FLRT1: variants seen among roughly 807,000 people sequenced by gnomAD.
FLRT1 encodes the protein leucine-rich repeat transmembrane protein FLRT1.
Under a neutral mutation model 30.9 loss-of-function variants are expected in FLRT1, and 14 were observed. That is an observed-to-expected ratio of 0.45 (90% confidence interval 0.30 to 0.71). The LOEUF is 0.71. Among genes scored for constraint, FLRT1 ranks in the 30% least tolerant of loss-of-function variants. The pLI is 0.08. For synonymous variants in FLRT1, 368 were observed against 430.4 expected (o/e 0.85, Z 1.80); for missense variants, 737 against 949.2 (o/e 0.78, Z 2.94).
chr11:64,063,502 A>G (rs946972920), intron 1 of FLRT1, among the ~76,000 whole-genome samples: 13 of 152,164 alleles, frequency 8.5e-5, no homozygotes, highest in Admixed American at 4.6e-4. Flanking sequence ...GGGGAAAGGC[A>G]TCCTGGCAAA....
intron 1 of FLRT1, among the ~76,000 whole-genome samples, chr11:64,076,895 G>A (rs952989439): frequency 1.3e-5 from 2 of 152,206 alleles, no homozygotes; most frequent in Non-Finnish European, 2.9e-5. Context: ...CTTACTCATC[G>A]GCTTGGGGCT....
At position 64,116,325 on chromosome 11, in the gene FLRT1, G is replaced by C. The variant is rs1166546652; in HGVS notation, c.58G>C (p.Ala20Pro). ...CACCACGCCCACTGCCACTGTCACGGCCACCGTTGTGATGACCACGGCCAC... is the reference window on the plus strand; with the variant it reads ...CACCACGCCCACTGCCACTGTCACGCCCACCGTTGTGATGACCACGGCCAC... ...ATTTPTATVT[A>P]TVVMTTATMD... is the part of the protein sequence containing the mutation. The change falls in exon 3 of 3, where the codon GCC (alanine) becomes CCC (proline). Residue 20 changes from alanine (A) to proline (P), a missense_variant. Physicochemically the swap from Ala to Pro is conservative, Grantham distance 27 (BLOSUM62 -1). Coordinates refer to ENST00000682287, the MANE Select transcript of FLRT1 (RefSeq NM_013280.5). 4.3e-6 allele frequency: 7 copies of C among 1,609,792 alleles called. No individual in the cohort carries two copies. In the East Asian group the frequency reaches 1.6e-4, roughly 36 times the overall value.
intron 1 of FLRT1, among the ~76,000 whole-genome samples, chr11:64,091,913 C>T (rs1944497743): frequency 6.6e-6 from 1 of 152,186 alleles, no homozygotes; most frequent in Admixed American, 6.5e-5. Context: ...CTCTGTGTCC[C>T]GAGGCCTCTC....
chr11:64,116,704 C>T lies in FLRT1; in HGVS notation c.437C>T (p.Ser146Leu), dbSNP rs756250929. The T allele has an allele frequency of 5.5e-5, 88 of 1,613,696 alleles. No individual in the cohort carries two copies. The Admixed American group carries it at 9.0e-4, about 17-fold the overall frequency. ...DNNVRTIARDSLARIPLLEKL... is the reference protein window; with the variant it reads ...DNNVRTIARDLLARIPLLEKL... ...AATGTGCGCACCATTGCCAGGGACT[C>T]GCTGGCCCGCATCCCGCTGCTGGAG... The change falls in exon 3 of 3, where the codon TCG (serine) becomes TTG (leucine). Residue 146 changes from serine to leucine, a missense_variant. Physicochemically the swap from Ser to Leu is moderately radical, Grantham distance 145. Coordinates refer to ENST00000682287, the MANE Select transcript of FLRT1 (RefSeq NM_013280.5).
chr11:64,050,365 C>T (rs1943669657), intron 1 of FLRT1, among the ~76,000 whole-genome samples: 1 of 152,218 alleles, frequency 6.6e-6, no homozygotes, highest in Non-Finnish European at 1.5e-5. Flanking sequence ...GTGCAGGCCA[C>T]CTAGGGGCAG....
intron 1 of FLRT1, among the ~76,000 whole-genome samples, chr11:64,093,517 C>T (rs1298714757): frequency 6.6e-6 from 1 of 152,266 alleles, no homozygotes; most frequent in Non-Finnish European, 1.5e-5. Context: ...GCCTGGCCCA[C>T]CTTTGGGCAT....
At chr11:64,045,698 C>T (rs1322614883) in intron 1 of FLRT1, among the ~76,000 whole-genome samples, 1 of 152,176 alleles carries the variant, frequency 6.6e-6, no homozygotes, top group East Asian at 1.9e-4. Flanking sequence ...GCTGGCCAGC[C>T]ATGTGGTTGC....
intron 1 of FLRT1, among the ~76,000 whole-genome samples, chr11:64,073,853 C>T (rs919514041): frequency 1.3e-5 from 2 of 152,088 alleles, no homozygotes; most frequent in African/African-American, 4.8e-5. Flanking sequence ...CCTTGCAGGG[C>T]CAGAGATGCA....
Position 64,116,972 on chromosome 11 carries a change from C to T in FLRT1, c.705C>T (p.Ala235=), listed in dbSNP as rs759560338. Residue 235 remains alanine, a synonymous_variant, in exon 3 of 3, where the codon GCC becomes GCT. Coordinates refer to ENST00000682287, the MANE Select transcript of FLRT1 (RefSeq NM_013280.5). ...TGGTGCTGGACGGTAACCTGCTGGC[C>T]AACCAGCGCATCGCCGACGACACCT... ...RRLVLDGNLL[A]NQRIADDTFS... 29 of 1,611,938 alleles carry T rather than the reference C, an allele frequency of 1.8e-5. No homozygotes were observed. The East Asian group carries it at 6.5e-4, about 36-fold the overall frequency.
At chr11:64,065,064 C>A (rs972217752) in intron 1 of FLRT1, among the ~76,000 whole-genome samples, 1 of 152,166 alleles carries the variant, frequency 6.6e-6, no homozygotes, top group South Asian at 2.1e-4. Context: ...CCAGCAGGGC[C>A]CAGCACAGGC....
intron 1 of FLRT1, among the ~76,000 whole-genome samples, chr11:64,098,504 G>T (rs752056573): frequency 4.6e-5 from 7 of 152,232 alleles, no homozygotes; most frequent in Non-Finnish European, 1.0e-4. Flanking sequence ...GTGCCCTCGG[G>T]AGAGAGGGAA....
intron 1 of FLRT1, among the ~76,000 whole-genome samples, chr11:64,093,428 C>T (rs1156622247): frequency 6.6e-6 from 1 of 152,246 alleles, no homozygotes; most frequent in Non-Finnish European, 1.5e-5. Flanking sequence ...AGCCAGGCCT[C>T]CACCTGGCAT....
chr11:64,057,396 G>A (rs1943809451), intron 1 of FLRT1, among the ~76,000 whole-genome samples: 2 of 152,208 alleles, frequency 1.3e-5, no homozygotes, highest in African/African-American at 2.4e-5. Context: ...AAAACCTCAT[G>A]GGGAGTGACC....
intron 1 of FLRT1, among the ~76,000 whole-genome samples, chr11:64,060,957 G>C (rs1943890398): frequency 6.6e-6 from 1 of 151,678 alleles, no homozygotes. Context: ...GCGGCGGCGG[G>C]GCTCCCGGGC....
Position 64,067,721 on chromosome 11 carries a change from C to T in FLRT1, c.-1038+31562C>T, listed in dbSNP as rs913805501. Among the ~76,000 whole-genome samples, 19 of 152,288 alleles carry T rather than the reference C, an allele frequency of 1.2e-4. No homozygotes were observed. Among genetic ancestry groups the T allele is most frequent in the East Asian group, 3.9e-4 (2 of 5,172 alleles). On this transcript the variant is annotated intron_variant, in intron 1 of 2. Transcript: ENST00000682287. This position sits in a 1 kb window ranked among gnomAD's most constrained non-coding sequence, Gnocchi z 4.6. ...GCAGTGATTGCGGACACGCCCCTCG[C>T]GAGGCACCGCAGGCTGCCACCCCCA...
chr11:64,056,752 C>T (rs181728477), intron 1 of FLRT1, among the ~76,000 whole-genome samples: 2 of 152,256 alleles, frequency 1.3e-5, no homozygotes, highest in African/African-American at 4.8e-5. Flanking sequence ...CCTGGGGACC[C>T]CTTGGTGTGG....
At position 64,067,432 on chromosome 11, in the gene FLRT1, C is replaced by A. The variant is rs756943299; in HGVS notation, c.-1038+31273C>A. Among the ~76,000 whole-genome samples the A allele has an allele frequency of 1.1e-4, 17 of 152,186 alleles. No individual in the cohort carries two copies. Among genetic ancestry groups the A allele is most frequent in the Non-Finnish European group, 1.9e-4 (13 of 68,034 alleles). Reference sequence around the variant, plus strand: ...CCTTTCAGCTCACAAATCATGCCCCCGGCCCAGGTGACAGCCAGCACAGAC... The same window carrying A: ...CCTTTCAGCTCACAAATCATGCCCCAGGCCCAGGTGACAGCCAGCACAGAC... On this transcript the variant is annotated intron_variant, in intron 1 of 2. Transcript: ENST00000682287. This position sits in a 1 kb window ranked among gnomAD's most constrained non-coding sequence, Gnocchi z 4.6.
intron 1 of FLRT1, among the ~76,000 whole-genome samples, chr11:64,086,355 A>G (rs771438343): frequency 6.6e-6 from 1 of 151,922 alleles, no homozygotes; most frequent in Non-Finnish European, 1.5e-5. Context: ...TGTGAATCTT[A>G]CATATGCATA....
Position 64,103,567 on chromosome 11 carries a change from C to G in FLRT1, c.-664C>G, listed in dbSNP as rs1944707978. The stretch of plus-strand genomic sequence containing the variant: ...ACTCTCTGCACCCAGCCCATTCTGC[C>G]AAGTGACTTAAAGGAATTAAAAAAA... On this transcript the variant is annotated 5_prime_UTR_variant, in exon 2 of 3. Transcript: ENST00000682287. 2.0e-5 allele frequency: 3 copies of G among 147,034 alleles called. No individual in the cohort carries two copies. In the South Asian group the frequency reaches 6.4e-4, roughly 32 times the overall value. 9.1% of individuals were successfully genotyped at this position (147,034 alleles called of 1,614,324 possible). A position where few individuals can be genotyped will look rare whatever the true frequency, so the allele number is the denominator to read the frequency against.
Sources: allele counts gnomAD v4.1 joint callset (sites outside exome capture counted in the v4.1 genomes callset), GRCh38; gene constraint gnomAD v4.1.1; non-coding constraint Gnocchi (gnomAD v3.1); transcripts MANE v1.5; gene names NCBI Gene and HGNC (gene_info 2026-07-23, HGNC 2026-07-21).